The following SRGAP1 variants were observed in gnomAD, a reference collection of about 807,000 sequenced individuals.
SRGAP1 encodes SLIT-ROBO Rho GTPase activating protein 1, also known as SLIT-ROBO Rho GTPase-activating protein 1.
A neutral mutation model predicts 121.9 loss-of-function variants in SRGAP1; 43 were observed. The observed-to-expected ratio is 0.35, with a 90% CI of 0.28 to 0.46. The LOEUF (loss-of-function observed/expected upper bound fraction) is 0.46, where lower values mean the gene tolerates loss of function less well. Among genes scored for constraint, SRGAP1 ranks in the 20% least tolerant of loss-of-function variants. The probability of loss-of-function intolerance (pLI) is 1.00; values close to 1 mark genes in which losing one functional copy is unlikely to be tolerated. For synonymous variants in SRGAP1, 447 were observed against 485.4 expected, an observed-to-expected ratio of 0.92 and a Z score of 1.04; for missense variants, 1,102 against 1,350.9, an observed-to-expected ratio of 0.82 and a Z score of 2.89.
chr12:63,868,058 T>TATATATA (rs59452978), intron 1 of SRGAP1, among the ~76,000 whole-genome samples: 7 of 65,368 alleles, frequency 1.1e-4, no homozygotes, highest in African/African-American at 3.6e-4. Flanking sequence ...ATATATATAT[T>TATATATA]TTTTTTTTTT....
chr12:64,136,512 GA>G (rs2036858778), intron 21 of SRGAP1, among the ~76,000 whole-genome samples: 1 of 152,164 alleles, frequency 6.6e-6, no homozygotes, highest in Non-Finnish European at 1.5e-5. Context: ...AGAAATGAAT[GA>G]AACATGGAAA....
chr12:64,094,710 T>C (rs2136589676), intron 12 of SRGAP1, among the ~76,000 whole-genome samples: 1 of 152,302 alleles, frequency 6.6e-6, no homozygotes, highest in Non-Finnish European at 1.5e-5. Flanking sequence ...ACATATTCAT[T>C]TTGGTATGTA....
chr12:64,135,153 G>T (rs990601793), intron 21 of SRGAP1, among the ~76,000 whole-genome samples: 4 of 152,150 alleles, frequency 2.6e-5, no homozygotes, highest in African/African-American at 4.8e-5. Context: ...GGCAAAAAAG[G>T]TTCATCAGGG....
chr12:63,961,391 C>T (rs2032638408), intron 1 of SRGAP1, among the ~76,000 whole-genome samples: 1 of 152,224 alleles, frequency 6.6e-6, no homozygotes, highest in Non-Finnish European at 1.5e-5. Context: ...TTTCCTCACC[C>T]CCAGCTCTGC....
chr12:63,915,257 A>G (rs899234225), intron 1 of SRGAP1, among the ~76,000 whole-genome samples: 4 of 152,242 alleles, frequency 2.6e-5, no homozygotes, highest in African/African-American at 9.6e-5. Flanking sequence ...TTTATTGTCA[A>G]TGTTTAGTTA....
chr12:64,088,888 G>A (rs1226167384), intron 11 of SRGAP1, among the ~76,000 whole-genome samples: 1 of 152,186 alleles, frequency 6.6e-6, no homozygotes, highest in African/African-American at 2.4e-5. Context: ...AGATTGGCTT[G>A]CTCCGTGAAT....
chr12:64,113,055 C>G (rs1251488022), intron 17 of SRGAP1, among the ~76,000 whole-genome samples: 1 of 151,576 alleles, frequency 6.6e-6, no homozygotes, highest in African/African-American at 2.4e-5. Context: ...GCAGTGAGCT[C>G]TGATCACACC....
rs939926674 is a variant in SRGAP1 at position 64,150,514 on chromosome 12, G to A, written c.*7842G>A. The A allele has an allele frequency of 6.6e-6, 1 of 152,126 alleles. No homozygotes were observed. The highest frequency in any genetic ancestry group is 1.5e-5 in the Non-Finnish European group (1 of 68,022). 9.4% of individuals were successfully genotyped at this position (152,126 alleles called of 1,614,324 possible). A position where few individuals can be genotyped will look rare whatever the true frequency, so the allele number is the denominator to read the frequency against. On this transcript the variant is annotated 3_prime_UTR_variant, in exon 22 of 22. Coordinates refer to ENST00000355086, the MANE Select transcript of SRGAP1 (RefSeq NM_020762.4). The stretch of plus-strand genomic sequence containing the variant: ...AAAAATCATGTCCCTCTAAATGCAA[G>A]TGGATGATTGTGCCAATAAGCCAGG...
At chr12:63,913,156 T>C (rs947010246) in intron 1 of SRGAP1, among the ~76,000 whole-genome samples, 11 of 151,260 alleles carry the variant, frequency 7.3e-5, no homozygotes, top group African/African-American at 2.7e-4. Context: ...TGCTGTTCTT[T>C]ATGCCTCTCA....
rs762456941 is a variant in SRGAP1, at chr12:64,152,508, G to A, written c.*9836G>A. On this transcript the variant is annotated 3_prime_UTR_variant, in exon 22 of 22. Transcript: ENST00000355086. ...TGCATCACTAACTAAATAGCAAATC[G>A]GCGGAACTGAAATGAATTCAATGTC... 3.9e-5 allele frequency: 6 copies of A among 152,076 alleles called. No homozygotes were observed. Among genetic ancestry groups the A allele is most frequent in the African/African-American group, 7.2e-5 (3 of 41,410 alleles). The allele number at this position is 152,076 out of a possible 1,614,324, so 9.4% of individuals were successfully genotyped here. A position where few individuals can be genotyped will look rare whatever the true frequency, so the allele number is the denominator to read the frequency against.
intron 16 of SRGAP1, among the ~76,000 whole-genome samples, chr12:64,109,660 C>T (rs534932669): frequency 6.6e-6 from 1 of 152,192 alleles, no homozygotes; most frequent in East Asian, 1.9e-4. Context: ...AGAACAGCTT[C>T]CCCAAGTCCT....
At chr12:64,107,427 A>G (rs2036362610) in intron 15 of SRGAP1, among the ~76,000 whole-genome samples, 1 of 152,238 alleles carries the variant, frequency 6.6e-6, no homozygotes, top group South Asian at 2.1e-4. Flanking sequence ...GAGTATTTTG[A>G]TAGTCTAAGT....
chr12:64,034,690 G>A (rs1308531731), intron 4 of SRGAP1, among the ~76,000 whole-genome samples: 1 of 152,144 alleles, frequency 6.6e-6, no homozygotes, highest in African/African-American at 2.4e-5. Flanking sequence ...TAGGCAGTGA[G>A]TAATATTGTA....
intron 15 of SRGAP1, among the ~76,000 whole-genome samples, chr12:64,106,216 T>G (rs2036343259): frequency 6.6e-6 from 1 of 152,178 alleles, no homozygotes; most frequent in African/African-American, 2.4e-5. Flanking sequence ...AGATTCTCAA[T>G]AAACAGCGGG....
chr12:63,967,670 T>G (rs2032827609), intron 1 of SRGAP1, among the ~76,000 whole-genome samples: 1 of 152,184 alleles, frequency 6.6e-6, no homozygotes, highest in Non-Finnish European at 1.5e-5. Flanking sequence ...CTAAGTGATG[T>G]TTAAGCCTTG....
At chr12:64,114,846 CT>C (rs1255556353) in intron 17 of SRGAP1, among the ~76,000 whole-genome samples, 1 of 152,150 alleles carries the variant, frequency 6.6e-6, no homozygotes, top group Non-Finnish European at 1.5e-5. Flanking sequence ...TGGTGTCTAT[CT>C]TTTTCTATGG....
At chr12:64,139,200 A>C (rs2036917353) in intron 21 of SRGAP1, among the ~76,000 whole-genome samples, 2 of 152,212 alleles carry the variant, frequency 1.3e-5, no homozygotes, top group Non-Finnish European at 2.9e-5. Context: ...TTATTGTGAC[A>C]TTAAAAACCA....
At chr12:64,084,562 G>A (rs1455503389) in intron 10 of SRGAP1, among the ~76,000 whole-genome samples, 2 of 150,568 alleles carry the variant, frequency 1.3e-5, no homozygotes, top group South Asian at 2.1e-4. Context: ...CTGAAAAAAC[G>A]ATGGATGTGG....
At chr12:64,035,993 G>C (rs1463820742) in intron 4 of SRGAP1, among the ~76,000 whole-genome samples, 3 of 152,168 alleles carry the variant, frequency 2.0e-5, no homozygotes, top group African/African-American at 4.8e-5. Context: ...GAGCTCAGGG[G>C]CATTAGGAAA....
Sources: allele counts gnomAD v4.1 joint callset (sites outside exome capture counted in the v4.1 genomes callset), GRCh38; gene constraint gnomAD v4.1.1; transcripts MANE v1.5; gene names NCBI Gene and HGNC (gene_info 2026-07-23, HGNC 2026-07-21).